SYNPR: variants seen among roughly 807,000 people sequenced by gnomAD.
The protein encoded by SYNPR is synaptoporin.
In SYNPR, 23 loss-of-function variants were observed where a neutral mutation model predicts 32.9. That is an observed-to-expected ratio of 0.70 (90% CI 0.50 to 0.99). SYNPR has a LOEUF of 0.99. SYNPR is among the 50% of genes least tolerant of loss of function. SYNPR has a pLI of 0.00. For missense variants in SYNPR, 318 were observed against 349.3 expected, an observed-to-expected ratio of 0.91 and a Z score of 0.71; for synonymous variants, 146 against 135.9, an observed-to-expected ratio of 1.07 and a Z score of -0.52.
chr3:63,594,583 C>G (rs1434022097), intron 4 of SYNPR, among the ~76,000 whole-genome samples: 1 of 152,144 alleles, frequency 6.6e-6, no homozygotes, highest in Non-Finnish European at 1.5e-5. Context: ...ACCTTTCAAA[C>G]TGGGTTTAAG....
rs943049265 is a variant in SYNPR at position 63,616,610 on chromosome 3, C to T, written c.*1129C>T. ...TTAAAAATGGCTTCCATATGCCACT[C>T]TGTACCCCAAAGAGAGTTCTCATGA... On this transcript the variant is annotated 3_prime_UTR_variant, in exon 6 of 6. Coordinates refer to ENST00000478300, the MANE Select transcript of SYNPR (RefSeq NM_001130003.2). The T allele has an allele frequency of 6.6e-5, 10 of 152,622 alleles. No individual in the cohort carries two copies. The highest frequency in any genetic ancestry group is 4.1e-4 in the South Asian group (2 of 4,832). 9.5% of individuals were successfully genotyped at this position (152,622 alleles called of 1,614,324 possible). A position where few individuals can be genotyped will look rare whatever the true frequency, so the allele number is the denominator to read the frequency against.
intron 2 of SYNPR, among the ~76,000 whole-genome samples, chr3:63,409,393 AG>A (rs1002120662): frequency 1.3e-5 from 2 of 152,100 alleles, no homozygotes; most frequent in African/African-American, 4.8e-5. Flanking sequence ...TGGGAAGAAA[AG>A]CACACAAACT....
intron 3 of SYNPR, among the ~76,000 whole-genome samples, chr3:63,511,550 G>C (rs931184715): frequency 6.6e-6 from 1 of 152,162 alleles, no homozygotes; most frequent in Non-Finnish European, 1.5e-5. Flanking sequence ...AAGAGAACTA[G>C]GACGAGCTTG....
intron 2 of SYNPR, among the ~76,000 whole-genome samples, chr3:63,440,250 C>G (rs1700148166): frequency 6.6e-6 from 1 of 151,992 alleles, no homozygotes; most frequent in African/African-American, 2.4e-5. Context: ...ATAGCTAGCG[C>G]AAAGGCATGG....
rs577428808 is a variant in SYNPR, at chr3:63,229,306, T to C, written n.66+926T>C. Among the ~76,000 whole-genome samples the C allele has an allele frequency of 3.6e-4, 54 of 152,084 alleles. 1 individual carries two copies. In the Middle Eastern group the frequency reaches 0.01, roughly 29 times the overall value. On this transcript the variant is annotated intron_variant and non_coding_transcript_variant, in intron 1 of 4. Coordinates refer to the SYNPR transcript ENST00000478456. ...TGTTAAATGAGAGCAATTCACATTA[T>C]CATTGTTATTATTAATATAATTTTC... is the stretch of plus-strand genomic sequence containing the variant.
At chr3:63,569,121 T>C (rs762576726) in intron 4 of SYNPR, among the ~76,000 whole-genome samples, 7 of 152,212 alleles carry the variant, frequency 4.6e-5, no homozygotes, top group Non-Finnish European at 1.0e-4. Flanking sequence ...CCCTTTGTAA[T>C]GACTGCATAA....
intron 2 of SYNPR, among the ~76,000 whole-genome samples, chr3:63,353,213 C>A (rs963344817): frequency 3.5e-4 from 53 of 152,310 alleles, no homozygotes; most frequent in Admixed American, 3.1e-3. Context: ...TGGTGATACA[C>A]TGATAAACAG....
chr3:63,347,981 T>C (rs1455187861), intron 2 of SYNPR, among the ~76,000 whole-genome samples: 1 of 152,068 alleles, frequency 6.6e-6, no homozygotes, highest in East Asian at 1.9e-4. Context: ...TGAATCCCTA[T>C]CTTTGCTATT....
chr3:63,583,950 C>G (rs1559542922), intron 4 of SYNPR, among the ~76,000 whole-genome samples: 1 of 151,984 alleles, frequency 6.6e-6, no homozygotes, highest in Non-Finnish European at 1.5e-5. Context: ...ACCACTTGCC[C>G]TGGGTTGGAA....
chr3:63,281,891 A>G (rs2086633363), intron 2 of SYNPR, among the ~76,000 whole-genome samples: 1 of 152,236 alleles, frequency 6.6e-6, no homozygotes, highest in African/African-American at 2.4e-5. Context: ...GCCATCAAAA[A>G]GAATGAATTA....
At chr3:63,607,862 A>G (rs945547416) in intron 4 of SYNPR, among the ~76,000 whole-genome samples, 6 of 150,740 alleles carry the variant, frequency 4.0e-5, no homozygotes, top group Admixed American at 3.3e-4. Flanking sequence ...GATCGTGATG[A>G]AAAGTAATTC....
chr3:63,467,376 C>T (rs955777178), intron 2 of SYNPR, among the ~76,000 whole-genome samples: 8 of 152,052 alleles, frequency 5.3e-5, no homozygotes, highest in African/African-American at 1.9e-4. Context: ...GAATTTGTTC[C>T]CTAGTATTTT....
chr3:63,345,754 A>G (rs1456217607), intron 2 of SYNPR, among the ~76,000 whole-genome samples: 1 of 152,238 alleles, frequency 6.6e-6, no homozygotes, highest in East Asian at 1.9e-4. Flanking sequence ...ATATATATTT[A>G]AAGATGCATA....
chr3:63,327,863 C>T (rs1484678404), intron 2 of SYNPR, among the ~76,000 whole-genome samples: 1 of 151,994 alleles, frequency 6.6e-6, no homozygotes, highest in Non-Finnish European at 1.5e-5. Flanking sequence ...TGTGTTCACC[C>T]TCTGAAAATT....
intron 2 of SYNPR, among the ~76,000 whole-genome samples, chr3:63,323,965 G>A (rs866970994): frequency 6.6e-6 from 1 of 152,082 alleles, no homozygotes; most frequent in African/African-American, 2.4e-5. Flanking sequence ...ATAAGTAGCA[G>A]AGTCAGCATT....
At chr3:63,337,892 G>A (rs1207059509) in intron 2 of SYNPR, among the ~76,000 whole-genome samples, 6 of 152,250 alleles carry the variant, frequency 3.9e-5, no homozygotes, top group Admixed American at 1.3e-4. Flanking sequence ...TGGAGCACAG[G>A]GGAGTTTTAG....
intron 3 of SYNPR, among the ~76,000 whole-genome samples, chr3:63,505,307 C>G (rs1319327631): frequency 6.6e-6 from 1 of 152,154 alleles, no homozygotes; most frequent in Non-Finnish European, 1.5e-5. Flanking sequence ...TAACACCTTA[C>G]CGAAGGCCAC....
chr3:63,606,444 A>G (rs1330960539), intron 4 of SYNPR, among the ~76,000 whole-genome samples: 7 of 31,718 alleles, frequency 2.2e-4, no homozygotes, highest in Non-Finnish European at 4.7e-4. Flanking sequence ...TTTTTTAGCA[A>G]TGAGATCTCA....
At chr3:63,339,867 G>A (rs1222788663) in intron 2 of SYNPR, among the ~76,000 whole-genome samples, 2 of 152,108 alleles carry the variant, frequency 1.3e-5, no homozygotes, top group Non-Finnish European at 2.9e-5. Context: ...ATGTTGGCCA[G>A]GCTGGTCTCG....
Sources: gnomAD v4.1 joint callset for allele counts (sites outside exome capture counted in the v4.1 genomes callset) on GRCh38, gnomAD v4.1.1 for gene constraint, MANE v1.5 for transcripts, NCBI Gene and HGNC (gene_info 2026-07-23, HGNC 2026-07-21) for gene names.